Variants in FAAH2 observed in about 807,000 individuals in gnomAD.
FAAH2 encodes the protein fatty-acid amide hydrolase 2.
Under a neutral mutation model 36.9 loss-of-function variants are expected in FAAH2, and 60 were observed. That is an observed-to-expected ratio of 1.63 (90% CI 1.32 to 2.02). FAAH2 has a LOEUF of 2.02. Among genes scored for constraint, FAAH2 ranks in the 30% most tolerant of loss-of-function variants. The pLI is 0.00. For missense variants in FAAH2, 689 were observed against 397.5 expected, an observed-to-expected ratio of 1.73 and a Z score of -6.23; for synonymous variants, 214 against 143.8, an observed-to-expected ratio of 1.49 and a Z score of -3.49.
intron 2 of FAAH2, among the ~76,000 whole-genome samples, chrX:57,304,370 G>C (rs1309715688): frequency 9.8e-5 from 11 of 112,005 alleles, no homozygotes; most frequent in Non-Finnish European, 1.3e-4. Flanking sequence ...TGGTATGTTA[G>C]CTCTAGAATT....
intron 5 of FAAH2, among the ~76,000 whole-genome samples, chrX:57,365,586 T>G (rs1280572983): frequency 8.9e-6 from 1 of 112,043 alleles, no homozygotes; most frequent in Non-Finnish European, 1.9e-5. Flanking sequence ...GCGTTTCCTA[T>G]ATTTGCATGT....
rs771932052 is a variant in FAAH2, at chrX:57,287,015, A to G, written c.190A>G (p.Lys64Glu). 3 of 1,180,878 alleles carry G rather than the reference A, an allele frequency of 2.5e-6. No individual in the cohort carries two copies. The highest frequency in any genetic ancestry group is 2.3e-6 in the Non-Finnish European group (2 of 878,621). Residue 64 changes from lysine (K) to glutamate (E), a missense_variant and splice_region_variant, in exon 1 of 11, where the codon AAG (lysine) becomes GAG (glutamate). Lys to Glu is a moderately conservative substitution (Grantham distance 56). Transcript: ENST00000374900. ...GCTGGCCAAGCTGATCCGACAGAGA[A>G]AGGTGAGAATGCAATTCAGAAGAGG... is the stretch of plus-strand genomic sequence containing the variant. ...MQLAKLIRQR[K>E]VKCIDVVQAY...
chrX:57,172,348 C>T, the FAAH2 span, among the ~76,000 whole-genome samples: 2 of 110,970 alleles, frequency 1.8e-5, no homozygotes, highest in African/African-American at 6.6e-5. Flanking sequence ...GGGAGTGGCT[C>T]GTTTCTTCAG....
chrX:57,411,927 C>T (rs758037525), intron 7 of FAAH2, among the ~76,000 whole-genome samples: 1 of 112,022 alleles, frequency 8.9e-6, no homozygotes, highest in South Asian at 3.7e-4. Context: ...TATTTTTCAT[C>T]TGCAACTATT....
intron 8 of FAAH2, among the ~76,000 whole-genome samples, chrX:57,444,418 A>C (rs772101466): frequency 8.9e-6 from 1 of 112,059 alleles, no homozygotes; most frequent in Admixed American, 9.4e-5. Context: ...CAGGCACAGG[A>C]TATGATTTCC....
chrX:57,157,969 A>G, the FAAH2 span, among the ~76,000 whole-genome samples: 4 of 110,597 alleles, frequency 3.6e-5, no homozygotes. Context: ...ATTTAACATT[A>G]GGTATATCTC....
chrX:57,128,376 G>C, the FAAH2 span, among the ~76,000 whole-genome samples: 1 of 111,519 alleles, frequency 9.0e-6, no homozygotes, highest in Admixed American at 9.6e-5. Flanking sequence ...ATTAACAACA[G>C]AGAACCTGAG....
At chrX:57,370,323 T>A (rs1200212135) in intron 5 of FAAH2, among the ~76,000 whole-genome samples, 4 of 111,396 alleles carry the variant, frequency 3.6e-5, no homozygotes, top group African/African-American at 1.3e-4. Context: ...ATGCTGCCCA[T>A]GAGAGACGCA....
In FAAH2 at chrX:57,394,025, G is replaced by A. The variant is rs750878607; in HGVS notation, c.996+12996G>A. 64 of 756,931 alleles carry A rather than the reference G, an allele frequency of 8.5e-5. No individual in the cohort carries two copies. In the East Asian group the frequency reaches 1.9e-3, roughly 22 times the overall value. 62.4% of individuals were successfully genotyped at this position (756,931 alleles called of 1,213,427 possible). ...TGATGGCACCAAATGAGTAAAGGTA[G>A]CCTTGTCTGTCTGGGTCAGTTCATG... On this transcript the variant is annotated intron_variant, in intron 7 of 10. Transcript: ENST00000374900.
chrX:57,137,869 G>A, the FAAH2 span, among the ~76,000 whole-genome samples: 5 of 109,424 alleles, frequency 4.6e-5, no homozygotes, highest in African/African-American at 1.3e-4. Flanking sequence ...GTGTATGTAT[G>A]TATATATATA....
At chrX:57,244,287 G>T in the FAAH2 span, among the ~76,000 whole-genome samples, 1 of 111,000 alleles carries the variant, frequency 9.0e-6, no homozygotes, top group East Asian at 2.9e-4. Flanking sequence ...ACCTGAAAGT[G>T]ATGGGGAGAA....
the FAAH2 span, among the ~76,000 whole-genome samples, chrX:57,216,972 T>C: frequency 9.1e-6 from 1 of 110,331 alleles, no homozygotes; most frequent in Non-Finnish European, 1.9e-5. Flanking sequence ...GGCCATTCTT[T>C]CAGGAATAAG....
chrX:57,137,379 C>T, the FAAH2 span: 3 of 751,992 alleles, frequency 4.0e-6, no homozygotes, highest in East Asian at 1.5e-4. Flanking sequence ...TGTAGGAGCG[C>T]GGCGAGACAG....
intron 10 of FAAH2, among the ~76,000 whole-genome samples, chrX:57,475,451 G>T (rs746688121): frequency 9.0e-6 from 1 of 111,116 alleles, no homozygotes; most frequent in Non-Finnish European, 1.9e-5. Context: ...TAAATAGTGC[G>T]TCTTTCCCCA....
chrX:57,393,068 C>A (rs1220278317), intron 7 of FAAH2: 1 of 920,720 alleles, frequency 1.1e-6, no homozygotes, highest in African/African-American at 1.9e-5. Flanking sequence ...CTAAGGTACC[C>A]TTGCCCCCTT....
the FAAH2 span, among the ~76,000 whole-genome samples, chrX:57,150,493 T>C: frequency 8.9e-6 from 1 of 112,397 alleles, no homozygotes; most frequent in Admixed American, 9.4e-5. Flanking sequence ...CTTGTTGAAT[T>C]GATCCCTTTT....
intron 7 of FAAH2, among the ~76,000 whole-genome samples, chrX:57,386,183 A>T (rs1477495947): frequency 9.0e-6 from 1 of 111,693 alleles, no homozygotes; most frequent in Non-Finnish European, 1.9e-5. Flanking sequence ...TCTAAATGAA[A>T]GAAATCATAG....
chrX:57,304,143 G>T (rs1251177914), intron 2 of FAAH2, among the ~76,000 whole-genome samples: 1 of 111,774 alleles, frequency 8.9e-6, no homozygotes, highest in Non-Finnish European at 1.9e-5. Flanking sequence ...GGAGGTGGAG[G>T]TTGCAGTGAG....
chrX:57,367,902 C>T (rs1007095836), intron 5 of FAAH2, among the ~76,000 whole-genome samples: 2 of 111,766 alleles, frequency 1.8e-5, no homozygotes, highest in Non-Finnish European at 3.8e-5. Flanking sequence ...CATTTGCCCC[C>T]GTTCTTATTT....
Sources: gnomAD v4.1 joint callset for allele counts (sites outside exome capture counted in the v4.1 genomes callset) on GRCh38, gnomAD v4.1.1 for gene constraint, MANE v1.5 for transcripts, NCBI Gene and HGNC (gene_info 2026-07-23, HGNC 2026-07-21) for gene names.